The following DCAF10 variants were observed in gnomAD, a reference collection of about 807,000 sequenced individuals.
The protein encoded by DCAF10 is DDB1 and CUL4 associated factor 10.
In DCAF10, 19 loss-of-function variants were observed where a neutral mutation model predicts 51.9. That is an observed-to-expected ratio of 0.37 (90% CI 0.26 to 0.54). The LOEUF is 0.54. DCAF10 is among the 20% of genes least tolerant of loss of function. The pLI is 0.87. For synonymous variants in DCAF10, 291 were observed against 297.1 expected (o/e 0.98, Z 0.21); for missense variants, 510 against 730.6 (o/e 0.70, Z 3.48).
At chr9:37,810,441 G>A (rs925475882) in intron 1 of DCAF10, among the ~76,000 whole-genome samples, 9 of 151,166 alleles carry the variant, frequency 6.0e-5, no homozygotes, top group Admixed American at 2.0e-4. Context: ...AGGCTGAATG[G>A]TATTTCTTTC....
rs1831098965 is a variant in DCAF10 at position 37,864,596 on chromosome 9, A to AAAAT, written c.*3091_*3092insTAAA. ...GAGACTCTGCCTCAAAAAAAAAAAA[A>AAAAT]AAAATAAAATAAAATAAAATTAGTT... is the stretch of plus-strand genomic sequence containing the variant. On this transcript the variant is annotated 3_prime_UTR_variant, in exon 7 of 7. Coordinates refer to ENST00000377724, the MANE Select transcript of DCAF10 (RefSeq NM_024345.5). 7 of 144,928 alleles carry AAAAT rather than the reference A, an allele frequency of 4.8e-5. No homozygotes were observed. In the South Asian group the frequency reaches 1.5e-3, roughly 31 times the overall value. The allele number at this position is 144,928 out of a possible 1,614,324, so 9.0% of individuals were successfully genotyped here. A position where few individuals can be genotyped will look rare whatever the true frequency, so the allele number is the denominator to read the frequency against.
At chr9:37,805,632 C>G (rs1829090784) in intron 1 of DCAF10, among the ~76,000 whole-genome samples, 1 of 149,408 alleles carries the variant, frequency 6.7e-6, no homozygotes, top group Non-Finnish European at 1.5e-5. Flanking sequence ...CAGACTAGTA[C>G]AAGAAAAAGT....
chr9:37,840,858 C>G (rs1830314398), intron 2 of DCAF10, among the ~76,000 whole-genome samples: 1 of 152,162 alleles, frequency 6.6e-6, no homozygotes, highest in South Asian at 2.1e-4. Flanking sequence ...ATCTTTTATA[C>G]AGTACTTTTA....
At position 37,829,055 on chromosome 9, in the gene DCAF10, T is replaced by C. The variant is rs904968091; in HGVS notation, c.653+9654T>C. 5.9e-5 allele frequency among the ~76,000 whole-genome samples: 9 copies of C among 152,226 alleles called. No individual in the cohort carries two copies. The highest frequency in any genetic ancestry group is 1.2e-4 in the Non-Finnish European group (8 of 68,034). On this transcript the variant is annotated intron_variant, in intron 2 of 6. Coordinates refer to ENST00000377724, the MANE Select transcript of DCAF10 (RefSeq NM_024345.5). The surrounding 1 kb of genome is among the most constrained non-coding windows in gnomAD (Gnocchi z 4.2). The stretch of plus-strand genomic sequence containing the variant: ...CATAATAATGTGAGAAGATAGGCTA[T>C]AGTTGGTGGGAGAAGGTATTTTCAA...
chr9:37,826,373 T>A (rs952769697), intron 2 of DCAF10, among the ~76,000 whole-genome samples: 1 of 152,194 alleles, frequency 6.6e-6, no homozygotes. Context: ...CTGCAAAAAT[T>A]TAAAAGCTGG....
chr9:37,841,565 CT>C (rs1407183791), intron 2 of DCAF10, among the ~76,000 whole-genome samples: 2 of 151,978 alleles, frequency 1.3e-5, no homozygotes, highest in African/African-American at 4.8e-5. Flanking sequence ...TGGGAAATAC[CT>C]TTCAGTTAAA....
intron 2 of DCAF10, among the ~76,000 whole-genome samples, chr9:37,838,441 A>AG (rs1360031401): frequency 6.6e-6 from 1 of 152,088 alleles, no homozygotes; most frequent in African/African-American, 2.4e-5. Context: ...CTTACATTAA[A>AG]AAAATCTCAT....
chr9:37,836,435 T>G lies in DCAF10; in HGVS notation c.654-5654T>G. 2.7e-6 allele frequency: 4 copies of G among 1,494,554 alleles called. No individual in the cohort carries two copies. In the South Asian group the frequency reaches 4.5e-5, roughly 17 times the overall value. 92.6% of individuals were successfully genotyped at this position (1,494,554 alleles called of 1,614,324 possible). A position where few individuals can be genotyped will look rare whatever the true frequency, so the allele number is the denominator to read the frequency against. ...AGGCCATTTTTGCCTGAATTTGAAA[T>G]GAGGGTGGGCCAGATGAGTATGTTT... On this transcript the variant is annotated intron_variant, in intron 2 of 6. Transcript: ENST00000377724.
intron 1 of DCAF10, among the ~76,000 whole-genome samples, chr9:37,814,380 C>T (rs1469038860): frequency 2.1e-5 from 3 of 142,766 alleles, no homozygotes; most frequent in Non-Finnish European, 4.5e-5. Context: ...AAACTCCTGA[C>T]CTTGTGATCC....
intron 2 of DCAF10, chr9:37,836,435 T>A: frequency 6.7e-7 from 1 of 1,494,554 alleles, no homozygotes; most frequent in Admixed American, 1.7e-5. Flanking sequence ...GAATTTGAAA[T>A]GAGGGTGGGC....
intron 3 of DCAF10, among the ~76,000 whole-genome samples, chr9:37,850,321 T>C (rs1460171516): frequency 6.6e-6 from 1 of 152,182 alleles, no homozygotes; most frequent in Non-Finnish European, 1.5e-5. Flanking sequence ...CAAAAAGATA[T>C]CTGCACTCTC....
At chr9:37,836,191 A>G in intron 2 of DCAF10, 2 of 1,466,878 alleles carry the variant, frequency 1.4e-6, no homozygotes, top group Non-Finnish European at 9.6e-7. Flanking sequence ...CACGGAGTTC[A>G]GTATGAAATG....
At chr9:37,835,198 G>C (rs951387951) in intron 2 of DCAF10, among the ~76,000 whole-genome samples, 1 of 152,092 alleles carries the variant, frequency 6.6e-6, no homozygotes, top group Non-Finnish European at 1.5e-5. Flanking sequence ...ACTTTGGGAG[G>C]TCGAAGTGGG....
chr9:37,830,813 A>C (rs879302459), intron 2 of DCAF10, among the ~76,000 whole-genome samples: 7 of 152,208 alleles, frequency 4.6e-5, no homozygotes, highest in Admixed American at 2.6e-4. Flanking sequence ...GTTAGCCTTC[A>C]TTTGCTGCTG....
rs1418980441 is a variant in DCAF10 at position 37,862,425 on chromosome 9, TCAC to T, written c.*918_*920del. The T allele has an allele frequency of 3.3e-5, 5 of 152,328 alleles. No individual in the cohort carries two copies. Among genetic ancestry groups the T allele is most frequent in the Admixed American group, 3.3e-4 (5 of 15,302 alleles). 9.4% of individuals were successfully genotyped at this position (152,328 alleles called of 1,614,324 possible). On this transcript the variant is annotated 3_prime_UTR_variant, in exon 7 of 7. Transcript: ENST00000377724. ...TATTTCATCTGCCAGATTATTTGAA[TCAC>T]ACAGGATGATGTGTTAACAGTATTA...
chr9:37,860,177 A>T lies in DCAF10; in HGVS notation c.1295A>T (p.Asn432Ile). The T allele has an allele frequency of 6.2e-7, 1 of 1,614,160 alleles. No homozygotes were observed. Among genetic ancestry groups the T allele is most frequent in the Non-Finnish European group, 8.5e-7 (1 of 1,180,000 alleles). ...GWATLLRCSS[N>I]SDDEECTCVY... ...GCCACTCTTCTTCGGTGCTCAAGCA[A>T]CAGTGATGATGAGGAGGTACAGGCA... The change falls in exon 6 of 7, where the codon AAC (asparagine) becomes ATC (isoleucine). Residue 432 changes from asparagine (N) to isoleucine (I), a missense_variant. Asn to Ile is a moderately radical substitution (Grantham distance 149). Coordinates refer to ENST00000377724, the MANE Select transcript of DCAF10 (RefSeq NM_024345.5).
chr9:37,857,440 T>C, intron 5 of DCAF10, 89 bp downstream of exon 5: 1 of 960,130 alleles, frequency 1.0e-6, no homozygotes, highest in Non-Finnish European at 1.5e-6. Context: ...GTTTTATGGT[T>C]TTAATCCATA....
chr9:37,814,109 TATATATATATATATATATTTGTTG>T (rs1564027368), intron 1 of DCAF10, among the ~76,000 whole-genome samples: 4 of 111,954 alleles, frequency 3.6e-5, no homozygotes, highest in African/African-American at 1.1e-4. Context: ...TATATATATA[TATATATATATATATATATTTGTTG>T]TTGTTGTTGT....
chr9:37,861,097 T>C lies in DCAF10; in HGVS notation c.1312-43T>C. The C allele has an allele frequency of 3.2e-6, 5 of 1,567,154 alleles. No homozygotes were observed. Among genetic ancestry groups the C allele is most frequent in the Non-Finnish European group, 4.3e-6 (5 of 1,153,316 alleles). On this transcript the variant is annotated intron_variant, in intron 6 of 6. Coordinates refer to ENST00000377724, the MANE Select transcript of DCAF10 (RefSeq NM_024345.5). The surrounding 1 kb of genome is among the most constrained non-coding windows in gnomAD (Gnocchi z 4.9). ...AAATAAGGAATATCTGTAGCACTATTTGGGCTCTGTAACCTTGGTTTGTCT... is the reference window on the plus strand; with the variant it reads ...AAATAAGGAATATCTGTAGCACTATCTGGGCTCTGTAACCTTGGTTTGTCT...
Sources: allele counts gnomAD v4.1 joint callset (sites outside exome capture counted in the v4.1 genomes callset), GRCh38; gene constraint gnomAD v4.1.1; non-coding constraint Gnocchi (gnomAD v3.1); transcripts MANE v1.5; gene names NCBI Gene and HGNC (gene_info 2026-07-23, HGNC 2026-07-21).